The following SLC12A6 variants were observed in gnomAD, a reference collection of about 807,000 sequenced individuals.
SLC12A6 encodes K-Cl cotransporter 3.
SLC12A6 carries 66 observed loss-of-function variants against 135.3 expected under a neutral mutation model. That is an observed-to-expected ratio of 0.49 (90% confidence interval 0.40 to 0.60). The LOEUF (loss-of-function observed/expected upper bound fraction) is 0.60. Among genes scored for constraint, SLC12A6 ranks in the 20% least tolerant of loss-of-function variants. SLC12A6 has a pLI of 0.00. For synonymous variants in SLC12A6, 513 were observed against 508.8 expected, an observed-to-expected ratio of 1.01 and a Z score of -0.11; for missense variants, 1,058 against 1,452.3, an observed-to-expected ratio of 0.73 and a Z score of 4.41.
At chr15:34,263,888 T>C (rs1453028157) in intron 3 of SLC12A6, among the ~76,000 whole-genome samples, 1 of 151,794 alleles carries the variant, frequency 6.6e-6, no homozygotes, top group Non-Finnish European at 1.5e-5. Context: ...TAAAAATAAA[T>C]AATGTGATGG....
chr15:34,245,927 G>C (rs1240562375), intron 13 of SLC12A6, 60 bp from the exon 14 acceptor site: 1 of 1,366,338 alleles, frequency 7.3e-7, no homozygotes, highest in Non-Finnish European at 1.0e-6. Flanking sequence ...TGAAAGACTA[G>C]AGATATTCAC....
intron 2 of SLC12A6, among the ~76,000 whole-genome samples, chr15:34,319,130 C>CTTT (rs926815901): frequency 3.7e-5 from 5 of 135,390 alleles, no homozygotes; most frequent in Non-Finnish European, 4.8e-5. Context: ...GAACAGTTAA[C>CTTT]TTTTTTTTTT....
rs778235040 is a variant in SLC12A6, at chr15:34,336,429, G to C, written c.252C>G (p.His84Gln). ...ACTTACCCTCGATGACATCCTGGGGGTGAGAAGTCCGGTCACTGGGTGGAT... is the reference window on the plus strand; with the variant it reads ...ACTTACCCTCGATGACATCCTGGGGCTGAGAAGTCCGGTCACTGGGTGGAT... The part of the protein sequence containing the change: ...ALDPPSDRTS[H>Q]PQDVIEDLSQ... Residue 84 changes from histidine to glutamine, a missense_variant, in exon 2 of 26, where the codon CAC (histidine) becomes CAG (glutamine). By Grantham distance (24) the His-to-Gln change is conservative (BLOSUM62 0). Transcript: ENST00000354181. The C allele has an allele frequency of 1.1e-5, 18 of 1,613,770 alleles. No individual in the cohort carries two copies. In the South Asian group the frequency reaches 2.0e-4, roughly 18 times the overall value.
chr15:34,329,769 A>T (rs1415794022), intron 2 of SLC12A6, among the ~76,000 whole-genome samples: 1 of 152,210 alleles, frequency 6.6e-6, no homozygotes, highest in Non-Finnish European at 1.5e-5. Context: ...CAATCCTAGC[A>T]CTTTGAGAGA....
chr15:34,269,178 T>C (rs1893735518), intron 3 of SLC12A6, among the ~76,000 whole-genome samples: 1 of 151,884 alleles, frequency 6.6e-6, no homozygotes, highest in African/African-American at 2.4e-5. Context: ...TTCTTTTTTC[T>C]CATTTTACTA....
At chr15:34,241,991 T>G in intron 17 of SLC12A6, 111 bp downstream of exon 17, 1 of 804,304 alleles carries the variant, frequency 1.2e-6, no homozygotes, top group East Asian at 2.5e-5. Flanking sequence ...CAAAATATAG[T>G]TATGAAAATG....
Position 34,254,467 on chromosome 15 carries a change from T to C in SLC12A6, c.999A>G (p.Val333=), listed in dbSNP as rs1436878486. 4 of 1,613,940 alleles carry C rather than the reference T, an allele frequency of 2.5e-6. No individual in the cohort carries two copies. In the South Asian group the frequency reaches 4.4e-5, roughly 18 times the overall value. ...TAFLVLMVLV[V]FIGVRYVNKF... is the part of the protein sequence containing the mutation. ...TGTTCACATAGCGTACGCCGATAAA[T>C]ACCACTAATACCATAAGGACCAAGA... The change falls in exon 9 of 26, where the codon GTA becomes GTG. Residue 333 remains valine, a synonymous_variant. Transcript: ENST00000354181.
chr15:34,316,815 T>C (rs1364812442), intron 2 of SLC12A6, among the ~76,000 whole-genome samples: 1 of 151,920 alleles, frequency 6.6e-6, no homozygotes, highest in Non-Finnish European at 1.5e-5. Context: ...AAAGATGAAA[T>C]AATAAAAAAC....
At chr15:34,242,262 G>A (rs753727551) in intron 16 of SLC12A6, 41 bp from the exon 17 acceptor site, 2 of 1,482,190 alleles carry the variant, frequency 1.3e-6, no homozygotes, top group Admixed American at 3.4e-5. Flanking sequence ...TAAAGTAGCT[G>A]AAAAAGAAGC....
chr15:34,237,434 T>C lies in SLC12A6; in HGVS notation c.2919A>G (p.Val973=), dbSNP rs375530627. Residue 973 remains valine, a synonymous_variant, in exon 22 of 26, where the codon GTA becomes GTG. Transcript: ENST00000354181. ...GCTTTCTCACCATCTCCACCACTTC[T>C]ACCTCCGCCTCAATGCGTAAGTGAT... ...FLYHLRIEAE[V]EVVEMHDSDI... The C allele has an allele frequency of 4.3e-6, 7 of 1,612,832 alleles. No individual in the cohort carries two copies. The African/African-American group carries it at 9.3e-5, about 21-fold the overall frequency.
At chr15:34,294,025 A>G (rs368459401) in intron 2 of SLC12A6, among the ~76,000 whole-genome samples, 1 of 152,258 alleles carries the variant, frequency 6.6e-6, no homozygotes, top group African/African-American at 2.4e-5. Flanking sequence ...TAATTCACCA[A>G]TCATTTTGTA....
rs368810991 is a variant in SLC12A6, at chr15:34,336,836, T to C, written c.-72-84A>G. The stretch of plus-strand genomic sequence containing the variant: ...CACAAAAAGCCCCAACTAAGAATAC[T>C]TCTACTCAGAATTCAAGCCGACTGT... On this transcript the variant is annotated intron_variant, in intron 1 of 25. Transcript: ENST00000354181. 9 of 677,822 alleles carry C rather than the reference T, an allele frequency of 1.3e-5. No homozygotes were observed. In the African/African-American group the frequency reaches 1.4e-4, roughly 11 times the overall value. 42.0% of individuals were successfully genotyped at this position (677,822 alleles called of 1,614,324 possible).
intron 2 of SLC12A6, among the ~76,000 whole-genome samples, chr15:34,291,448 C>G (rs1455488152): frequency 6.6e-6 from 1 of 152,132 alleles, no homozygotes; most frequent in Non-Finnish European, 1.5e-5. Context: ...GTGAATCTGA[C>G]AATTAAGTGT....
At chr15:34,306,057 A>G (rs111761939) in intron 2 of SLC12A6, among the ~76,000 whole-genome samples, 5,961 of 150,314 alleles carry the variant, frequency 0.04, 212 homozygotes, top group African/African-American at 0.1. Flanking sequence ...CACCGTGCCC[A>G]GCCTCCTCCA....
At position 34,229,823 on chromosome 15, in the gene SLC12A6, G is replaced by A; in HGVS notation, c.*4058C>T. ...AGCAGCGCCTGGTCCCTATGTATTT[G>A]GGTCTTATTTACATCCTTCTTTAAG... On this transcript the variant is annotated 3_prime_UTR_variant, in exon 26 of 26. Transcript: ENST00000354181. 6.2e-7 allele frequency: 1 copy of A among 1,609,302 alleles called. No individual in the cohort carries two copies. Among genetic ancestry groups the A allele is most frequent in the African/African-American group, 1.3e-5 (1 of 74,922 alleles).
Position 34,236,723 on chromosome 15 carries a change from T to A in SLC12A6, c.3027A>T (p.Thr1009=). ...QMLRHMRLSK[T]ERDREAQLVK... is the part of the protein sequence containing the mutation. ...AATGTCTCACCTCTCTGTCTCGCTC[T>A]GTTTTGGATAGCCGCATGTGCCGGA... The change falls in exon 23 of 26, where the codon ACA becomes ACT. Residue 1009 remains threonine, a synonymous_variant. Coordinates refer to ENST00000354181, the MANE Select transcript of SLC12A6 (RefSeq NM_001365088.1). The A allele has an allele frequency of 1.9e-6, 3 of 1,592,232 alleles. No homozygotes were observed. The highest frequency in any genetic ancestry group is 2.6e-6 in the Non-Finnish European group (3 of 1,159,844).
chr15:34,229,938 TAGA>T lies in SLC12A6; in HGVS notation c.*3940_*3942del, dbSNP rs1434316419. 15 of 733,216 alleles carry T rather than the reference TAGA, an allele frequency of 2.0e-5. No homozygotes were observed. The highest frequency in any genetic ancestry group is 3.1e-5 in the Non-Finnish European group (13 of 416,036). 45.4% of individuals were successfully genotyped at this position (733,216 alleles called of 1,614,324 possible). A position where few individuals can be genotyped will look rare whatever the true frequency, so the allele number is the denominator to read the frequency against. On this transcript the variant is annotated 3_prime_UTR_variant, in exon 26 of 26. Transcript: ENST00000354181. ...TTCTCCATGGTGGGGTGACAGGTCC[TAGA>T]AGGACAATGTGCATATTACGACAAA...
chr15:34,264,727 A>C (rs1893378754), intron 3 of SLC12A6, among the ~76,000 whole-genome samples: 1 of 152,184 alleles, frequency 6.6e-6, no homozygotes, highest in Admixed American at 6.5e-5. Context: ...TTTAGGGAAA[A>C]ATTAGGTAGG....
intron 2 of SLC12A6, among the ~76,000 whole-genome samples, chr15:34,294,886 T>A (rs933904354): frequency 6.6e-6 from 1 of 152,204 alleles, no homozygotes; most frequent in Non-Finnish European, 1.5e-5. Context: ...TGCTAAATAA[T>A]CCACGTTAGC....
Sources: allele counts gnomAD v4.1 joint callset (sites outside exome capture counted in the v4.1 genomes callset), GRCh38; gene constraint gnomAD v4.1.1; transcripts MANE v1.5; gene names NCBI Gene and HGNC (gene_info 2026-07-23, HGNC 2026-07-21).